The following PLEKHA3 variants were observed in gnomAD, a reference collection of about 807,000 sequenced individuals.
The protein encoded by PLEKHA3 is pleckstrin homology domain containing A3, also known as pleckstrin homology domain-containing family A member 3.
Under a neutral mutation model 39.2 loss-of-function variants are expected in PLEKHA3, and 19 were observed. That is an observed-to-expected ratio of 0.48 (90% CI 0.34 to 0.71). The LOEUF is 0.71. PLEKHA3 is among the 30% of genes least tolerant of loss of function. The pLI is 0.01. For missense variants in PLEKHA3, 253 were observed against 359.5 expected, an observed-to-expected ratio of 0.70 and a Z score of 2.40; for synonymous variants, 97 against 118.6, an observed-to-expected ratio of 0.82 and a Z score of 1.18.
chr2:178,502,217 G>T, intron 7 of PLEKHA3: 1 of 186,388 alleles, frequency 5.4e-6, no homozygotes, highest in Non-Finnish European at 1.2e-5. Flanking sequence ...GGATTTTTAG[G>T]AGTTGATAGA....
intron 7 of PLEKHA3, among the ~76,000 whole-genome samples, chr2:178,503,531 T>A (rs151089368): frequency 3.4e-4 from 52 of 152,098 alleles, no homozygotes; most frequent in African/African-American, 1.2e-3. Flanking sequence ...AATCTCTACT[T>A]CAGGCAATTT....
At position 178,504,711 on chromosome 2, in the gene PLEKHA3, T is replaced by C. The variant is rs1275467063; in HGVS notation, c.*824T>C. The C allele has an allele frequency of 6.6e-6, 1 of 152,320 alleles. No homozygotes were observed. Among genetic ancestry groups the C allele is most frequent in the Non-Finnish European group, 1.5e-5 (1 of 67,852 alleles). The allele number at this position is 152,320 out of a possible 1,614,324, so 9.4% of individuals were successfully genotyped here. On this transcript the variant is annotated 3_prime_UTR_variant, in exon 8 of 8. Transcript: ENST00000234453. Reference sequence around the variant, plus strand: ...TGGAAGAGAATTTTAGTGCTTTTTTTTTCCTAAAATAGATATTAAGCTGCT... The same window carrying C: ...TGGAAGAGAATTTTAGTGCTTTTTTCTTCCTAAAATAGATATTAAGCTGCT...
intron 5 of PLEKHA3, among the ~76,000 whole-genome samples, chr2:178,496,728 T>A (rs138238826): frequency 9.2e-5 from 14 of 152,114 alleles, no homozygotes; most frequent in African/African-American, 2.9e-4. Flanking sequence ...TTATTTATTT[T>A]TTTAGAGACA....
At position 178,480,678 on chromosome 2, in the gene PLEKHA3, A is replaced by C. The variant is rs112140257; in HGVS notation, c.-192A>C. The C allele has an allele frequency of 9.9e-3, 3,711 of 374,314 alleles. 115 individuals carry two copies. Among genetic ancestry groups the C allele is most frequent in the African/African-American group, 0.069 (3,246 of 47,022 alleles). 23.2% of individuals were successfully genotyped at this position (374,314 alleles called of 1,614,324 possible). A position where few individuals can be genotyped will look rare whatever the true frequency, so the allele number is the denominator to read the frequency against. Reference sequence around the variant, plus strand: ...CTGGGCCCGCGCCTCGCGGCCCCCAAGCTCCACGCTGCGCCCGCTGTCCCG... The same window carrying C: ...CTGGGCCCGCGCCTCGCGGCCCCCACGCTCCACGCTGCGCCCGCTGTCCCG... On this transcript the variant is annotated 5_prime_UTR_variant, in exon 1 of 8. Transcript: ENST00000234453.
chr2:178,497,316 C>T (rs982322639), intron 5 of PLEKHA3, among the ~76,000 whole-genome samples: 7 of 151,990 alleles, frequency 4.6e-5, no homozygotes, highest in African/African-American at 1.2e-4. Context: ...CTGCAAGCTC[C>T]GCCTCCTGGG....
At chr2:178,502,080 G>T (rs953369395) in intron 7 of PLEKHA3, among the ~76,000 whole-genome samples, 9 of 151,868 alleles carry the variant, frequency 5.9e-5, no homozygotes, top group Admixed American at 3.9e-4. Flanking sequence ...ACAAAACAAT[G>T]GTGTATTTCT....
chr2:178,485,128 G>C (rs1344157413), intron 1 of PLEKHA3, among the ~76,000 whole-genome samples: 1 of 152,240 alleles, frequency 6.6e-6, no homozygotes, highest in African/African-American at 2.4e-5. Context: ...GGTGGCACCT[G>C]AGAGGTCATC....
intron 2 of PLEKHA3, 52 bp from the exon 3 acceptor site, chr2:178,490,607 C>T: frequency 6.5e-7 from 1 of 1,534,640 alleles, no homozygotes; most frequent in Non-Finnish European, 9.0e-7. Flanking sequence ...ATTTGATTAC[C>T]CTTAAATTAC....
rs901543143 is a variant in PLEKHA3, at chr2:178,516,310, C to A, written c.*12423C>A. On this transcript the variant is annotated 3_prime_UTR_variant, in exon 8 of 8. Coordinates refer to ENST00000234453, the MANE Select transcript of PLEKHA3 (RefSeq NM_019091.4). Reference sequence around the variant, plus strand: ...ATTTCTATTCCCAGGGGAAAATAAACTTCATTTAAAAATATATGTATACTT... The same window carrying A: ...ATTTCTATTCCCAGGGGAAAATAAAATTCATTTAAAAATATATGTATACTT... 1 of 152,004 alleles carries A rather than the reference C, an allele frequency of 6.6e-6. No homozygotes were observed. The highest frequency in any genetic ancestry group is 1.5e-5 in the Non-Finnish European group (1 of 67,978). 9.4% of individuals were successfully genotyped at this position (152,004 alleles called of 1,614,324 possible).
At chr2:178,487,516 G>A (rs935098872) in intron 2 of PLEKHA3, among the ~76,000 whole-genome samples, 4 of 151,688 alleles carry the variant, frequency 2.6e-5, no homozygotes, top group Admixed American at 2.6e-4. Flanking sequence ...ATGGCTCACT[G>A]CAGCCTCCAC....
intron 1 of PLEKHA3, among the ~76,000 whole-genome samples, chr2:178,483,083 C>A (rs575268275): frequency 6.6e-6 from 1 of 151,980 alleles, no homozygotes; most frequent in Non-Finnish European, 1.5e-5. Flanking sequence ...CATGGTGAAA[C>A]CCTGTCCCTA....
Position 178,507,859 on chromosome 2 carries a change from A to G in PLEKHA3, c.*3972A>G, listed in dbSNP as rs192121723. 2 of 153,496 alleles carry G rather than the reference A, an allele frequency of 1.3e-5. No individual in the cohort carries two copies. The highest frequency in any genetic ancestry group is 3.9e-4 in the East Asian group (2 of 5,186). 9.5% of individuals were successfully genotyped at this position (153,496 alleles called of 1,614,324 possible). A position where few individuals can be genotyped will look rare whatever the true frequency, so the allele number is the denominator to read the frequency against. On this transcript the variant is annotated 3_prime_UTR_variant, in exon 8 of 8. Coordinates refer to ENST00000234453, the MANE Select transcript of PLEKHA3 (RefSeq NM_019091.4). ...GGGCAACATTTCATTGTCTTAAGGC[A>G]TTTAGTTTTTCTGTGAGAATTCTGA...
chr2:178,515,111 A>T lies in PLEKHA3; in HGVS notation c.*11224A>T, dbSNP rs1575151202. On this transcript the variant is annotated 3_prime_UTR_variant, in exon 8 of 8. Coordinates refer to ENST00000234453, the MANE Select transcript of PLEKHA3 (RefSeq NM_019091.4). ...ATGTTGGCATTTGCCACTTTTGGGG[A>T]TTTGACTCCTGCAGGTATTTTTTTT... 1.0e-5 allele frequency: 1 copy of T among 96,192 alleles called. No individual in the cohort carries two copies. 6.0% of individuals were successfully genotyped at this position (96,192 alleles called of 1,614,324 possible). A position where few individuals can be genotyped will look rare whatever the true frequency, so the allele number is the denominator to read the frequency against.
intron 3 of PLEKHA3, among the ~76,000 whole-genome samples, chr2:178,491,763 T>C (rs1363056133): frequency 6.6e-6 from 1 of 152,186 alleles, no homozygotes; most frequent in Non-Finnish European, 1.5e-5. Context: ...GAGGTATGAC[T>C]CATGGCCCTA....
chr2:178,504,682 T>C lies in PLEKHA3; in HGVS notation c.*795T>C, dbSNP rs1331051302. The C allele has an allele frequency of 6.6e-6, 1 of 152,238 alleles. No homozygotes were observed. The highest frequency in any genetic ancestry group is 2.4e-5 in the African/African-American group (1 of 41,438). 9.4% of individuals were successfully genotyped at this position (152,238 alleles called of 1,614,324 possible). Reference sequence around the variant, plus strand: ...CTTACACTAGAGAAATAAACAACTTTCAATGGAAGAGAATTTTAGTGCTTT... The same window carrying C: ...CTTACACTAGAGAAATAAACAACTTCCAATGGAAGAGAATTTTAGTGCTTT... On this transcript the variant is annotated 3_prime_UTR_variant, in exon 8 of 8. Transcript: ENST00000234453.
In PLEKHA3 at chr2:178,508,050, GGTGTGTGT is replaced by G. The variant is rs71023446; in HGVS notation, c.*4195_*4202del. On this transcript the variant is annotated 3_prime_UTR_variant, in exon 8 of 8. Coordinates refer to ENST00000234453, the MANE Select transcript of PLEKHA3 (RefSeq NM_019091.4). Reference sequence around the variant, plus strand: ...TAGAGATTTGTCTGCTTCAGTTCTGGGTGTGTGTGTGTGTGTGTGTGTGTGTGTGTGTG... The same window carrying G: ...TAGAGATTTGTCTGCTTCAGTTCTGGGTGTGTGTGTGTGTGTGTGTGTGTG... 20,544 of 142,410 alleles carry G rather than the reference GGTGTGTGT, an allele frequency of 0.14. 1,615 individuals are homozygous for G. The highest frequency in any genetic ancestry group is 0.4 in the East Asian group (1,980 of 4,910). 8.8% of individuals were successfully genotyped at this position (142,410 alleles called of 1,614,324 possible).
intron 2 of PLEKHA3, among the ~76,000 whole-genome samples, chr2:178,486,271 G>C (rs1271898686): frequency 6.6e-6 from 1 of 152,164 alleles, no homozygotes; most frequent in East Asian, 1.9e-4. Flanking sequence ...AATAGGTCCT[G>C]CTGTAATTTT....
chr2:178,493,790 T>G (rs1013020987), intron 3 of PLEKHA3, 63 bp from the exon 4 acceptor site: 1 of 1,425,296 alleles, frequency 7.0e-7, no homozygotes, highest in African/African-American at 1.4e-5. Flanking sequence ...TGATTACATT[T>G]TGTTACATTG....
At chr2:178,488,129 A>G (rs185591978) in intron 2 of PLEKHA3, among the ~76,000 whole-genome samples, 3,146 of 151,754 alleles carry the variant, frequency 0.021, 54 homozygotes, top group East Asian at 0.04. Context: ...AAAAAAAAAA[A>G]GGGTTGAATG....
Sources: allele counts gnomAD v4.1 joint callset (sites outside exome capture counted in the v4.1 genomes callset), GRCh38; gene constraint gnomAD v4.1.1; transcripts MANE v1.5; gene names NCBI Gene and HGNC (gene_info 2026-07-23, HGNC 2026-07-21).